Variants in EXOC2 observed in about 807,000 individuals in gnomAD.
The protein encoded by EXOC2 is exocyst complex component 2.
EXOC2 carries 70 observed loss-of-function variants against 131.8 expected under a neutral mutation model. The ratio of observed to expected loss-of-function variants is 0.53; its 90% confidence interval spans 0.44 to 0.65. The LOEUF is 0.65. EXOC2 is among the 30% of genes least tolerant of loss of function. The pLI, the probability that EXOC2 is intolerant of heterozygous loss-of-function variation, is 0.00. For synonymous variants in EXOC2, 411 were observed against 398.4 expected (o/e 1.03, Z -0.38); for missense variants, 923 against 1,108.6 (o/e 0.83, Z 2.38).
rs762095314 is a variant in EXOC2 at position 549,208 on chromosome 6, C to A, written c.2205G>T (p.Lys735Asn). 1 of 1,614,112 alleles carries A rather than the reference C, an allele frequency of 6.2e-7. No homozygotes were observed. Among genetic ancestry groups the A allele is most frequent in the Non-Finnish European group, 8.5e-7 (1 of 1,179,992 alleles). Residue 735 changes from lysine (K) to asparagine (N), a missense_variant, in exon 22 of 28, where the codon AAG becomes AAT. Transcript: ENST00000230449. The part of the protein sequence containing the change: ...TFLNIAEHFE[K>N]HNFQGIEKIT... ...TTTTTTCTATTCCCTGGAAGTTGTG[C>A]TTTTCAAAATGTTCTGCGATATTTA...
intron 17 of EXOC2, among the ~76,000 whole-genome samples, chr6:559,738 G>A (rs887595967): frequency 6.6e-6 from 1 of 152,206 alleles, no homozygotes; most frequent in African/African-American, 2.4e-5. Flanking sequence ...GGCAAACGAG[G>A]TCTGGAGGCT....
chr6:565,933 T>C (rs1287960483), intron 13 of EXOC2, among the ~76,000 whole-genome samples: 1 of 152,146 alleles, frequency 6.6e-6, no homozygotes, highest in Non-Finnish European at 1.5e-5. Flanking sequence ...GTTAGGATTG[T>C]TGGGTGTTTT....
At chr6:627,458 C>G (rs759656367) in intron 4 of EXOC2, among the ~76,000 whole-genome samples, 7 of 152,154 alleles carry the variant, frequency 4.6e-5, no homozygotes, top group Non-Finnish European at 1.0e-4. Context: ...GCCTAAAGGG[C>G]CCTCCCCGTG....
In EXOC2 at chr6:522,964, C is replaced by A. The variant is rs567126191; in HGVS notation, c.2380+9505G>T. Reference sequence around the variant, plus strand: ...AAGCTGTTTTCCTCCAAAGGCCAGGCGCCATGAAATGGCTGTGAGGAAAGA... The same window carrying A: ...AAGCTGTTTTCCTCCAAAGGCCAGGAGCCATGAAATGGCTGTGAGGAAAGA... On this transcript the variant is annotated intron_variant, in intron 23 of 27. Transcript: ENST00000230449. 1.3e-4 allele frequency among the ~76,000 whole-genome samples: 20 copies of A among 152,112 alleles called. No individual in the cohort carries two copies. In the East Asian group the frequency reaches 3.3e-3, roughly 25 times the overall value.
At chr6:594,035 A>C (rs1159091966) in intron 10 of EXOC2, among the ~76,000 whole-genome samples, 1 of 152,192 alleles carries the variant, frequency 6.6e-6, no homozygotes, top group South Asian at 2.1e-4. Context: ...GAGAGCTGCC[A>C]TCTCCTCCCC....
intron 4 of EXOC2, among the ~76,000 whole-genome samples, chr6:622,522 T>C (rs1761344614): frequency 6.6e-6 from 1 of 151,984 alleles, no homozygotes; most frequent in African/African-American, 2.4e-5. Flanking sequence ...GCTGATGATG[T>C]GAAGAAAGGA....
At chr6:565,832 C>T (rs1473220952) in intron 13 of EXOC2, among the ~76,000 whole-genome samples, 5 of 152,008 alleles carry the variant, frequency 3.3e-5, no homozygotes, top group African/African-American at 9.7e-5. Context: ...ATGTTATGCA[C>T]GTTGTATATA....
chr6:674,646 C>A lies in EXOC2; in HGVS notation c.-44+18373G>T, dbSNP rs186102880. ...CAATAAGAAACACTACTGTACTGAT[C>A]TTTTCTCCTCTCTGCTACTAAATCC... On this transcript the variant is annotated intron_variant, in intron 1 of 27. Coordinates refer to ENST00000230449, the MANE Select transcript of EXOC2 (RefSeq NM_018303.6). 8.4e-4 allele frequency among the ~76,000 whole-genome samples: 128 copies of A among 152,178 alleles called. 5 individuals carry two copies. In the East Asian group the frequency reaches 0.024, roughly 29 times the overall value.
At chr6:691,186 C>CA (rs1366570295) in intron 1 of EXOC2, among the ~76,000 whole-genome samples, 2 of 152,180 alleles carry the variant, frequency 1.3e-5, no homozygotes, top group African/African-American at 4.8e-5. Flanking sequence ...TTTTCAGTAC[C>CA]AACTTCATTT....
At chr6:521,371 G>C (rs1036508015) in intron 23 of EXOC2, among the ~76,000 whole-genome samples, 7 of 152,088 alleles carry the variant, frequency 4.6e-5, no homozygotes, top group African/African-American at 9.7e-5. Context: ...GACAAAAACA[G>C]ATTCTGAAAA....
chr6:639,836 G>T (rs371997255), intron 1 of EXOC2, among the ~76,000 whole-genome samples: 1 of 152,164 alleles, frequency 6.6e-6, no homozygotes, highest in Non-Finnish European at 1.5e-5. Context: ...CAGGAGCAAA[G>T]GGCAGACACA....
chr6:565,450 CAT>C (rs1757922457), intron 13 of EXOC2, among the ~76,000 whole-genome samples: 1 of 152,144 alleles, frequency 6.6e-6, no homozygotes, highest in Non-Finnish European at 1.5e-5. Flanking sequence ...TGATATAACT[CAT>C]GTTTTTTTCC....
At chr6:497,310 T>A (rs1183036751) in intron 25 of EXOC2, 57 bp downstream of exon 25, 17 of 1,550,622 alleles carry the variant, frequency 1.1e-5, no homozygotes, top group Non-Finnish European at 1.2e-5. Context: ...ACTAAAAACA[T>A]TTTATATGCT....
At chr6:537,413 G>A (rs780983221) in intron 22 of EXOC2, among the ~76,000 whole-genome samples, 27 of 151,332 alleles carry the variant, frequency 1.8e-4, no homozygotes, top group Non-Finnish European at 2.1e-4. Context: ...CATGACCGAC[G>A]GAGCGTACAC....
chr6:628,966 C>T (rs1235917985), intron 4 of EXOC2, among the ~76,000 whole-genome samples: 1 of 152,182 alleles, frequency 6.6e-6, no homozygotes, highest in Non-Finnish European at 1.5e-5. Flanking sequence ...ACTTTTTCAA[C>T]ACGTGCTACT....
At chr6:546,885 A>G (rs1756893882) in intron 22 of EXOC2, among the ~76,000 whole-genome samples, 1 of 152,262 alleles carries the variant, frequency 6.6e-6, no homozygotes, top group Non-Finnish European at 1.5e-5. Flanking sequence ...TCGACTGCAC[A>G]GGGGGTTGGC....
At chr6:601,161 C>T (rs549820600) in intron 7 of EXOC2, among the ~76,000 whole-genome samples, 2 of 152,304 alleles carry the variant, frequency 1.3e-5, no homozygotes, top group African/African-American at 4.8e-5. Flanking sequence ...GATAACGCCA[C>T]CAGGAAGGCA....
intron 23 of EXOC2, among the ~76,000 whole-genome samples, chr6:529,801 T>G (rs1168340581): frequency 6.6e-6 from 1 of 152,206 alleles, no homozygotes; most frequent in Non-Finnish European, 1.5e-5. Context: ...TTTACATAAC[T>G]AAACAGATAG....
At chr6:634,970 T>C (rs1762034647) in intron 2 of EXOC2, among the ~76,000 whole-genome samples, 1 of 152,172 alleles carries the variant, frequency 6.6e-6, no homozygotes, top group Non-Finnish European at 1.5e-5. Flanking sequence ...AGTCTATATG[T>C]TTTTTAAACA....
Sources: gnomAD v4.1 joint callset for allele counts (sites outside exome capture counted in the v4.1 genomes callset) on GRCh38, gnomAD v4.1.1 for gene constraint, MANE v1.5 for transcripts, NCBI Gene and HGNC (gene_info 2026-07-23, HGNC 2026-07-21) for gene names.